Variants in OTOA observed in about 807,000 individuals in gnomAD.
OTOA encodes otoancorin.
OTOA carries 70 observed loss-of-function variants against 110.8 expected under a neutral mutation model. The observed-to-expected ratio is 0.63, with a 90% CI of 0.52 to 0.77. OTOA has a LOEUF of 0.77. Ranked by LOEUF, OTOA falls within the 30% of genes least tolerant of loss-of-function variation. OTOA has a pLI of 0.00. For synonymous variants in OTOA, 373 were observed against 431.5 expected (o/e 0.86, Z 1.68); for missense variants, 917 against 1,075.8 (o/e 0.85, Z 2.06).
At position 21,705,290 on chromosome 16, in the gene OTOA, A is replaced by G. The variant is rs750124840; in HGVS notation, c.1102A>G (p.Lys368Glu). The G allele has an allele frequency of 1.2e-6, 2 of 1,613,740 alleles. No homozygotes were observed. Among genetic ancestry groups the G allele is most frequent in the South Asian group, 1.1e-5 (1 of 91,058 alleles). Residue 368 changes from lysine to glutamate, a missense_variant and splice_region_variant, in exon 12 of 29, where the codon AAG becomes GAG. Transcript: ENST00000646100. Reference protein sequence around the residue: ...HLRGFQAGVQKLKAELLDIAM... With the variant: ...HLRGFQAGVQELKAELLDIAM... ...GAGGGGCTTCCAGGCTGGCGTCCAG[A>G]AGGTACAGCTGGGGTGCAAGGCCCT...
chr16:21,708,071 G>A (rs770099740), intron 12 of OTOA, among the ~76,000 whole-genome samples: 9 of 152,018 alleles, frequency 5.9e-5, no homozygotes, highest in East Asian at 1.9e-4. Flanking sequence ...GACTACAGGC[G>A]TGAGCCACCA....
chr16:21,720,364 C>G (rs1898692579), intron 17 of OTOA, among the ~76,000 whole-genome samples: 1 of 152,154 alleles, frequency 6.6e-6, no homozygotes, highest in Admixed American at 6.5e-5. Context: ...TTAAAAAGCA[C>G]CTTCTCAACT....
chr16:21,695,886 TATA>T (rs1216998777), intron 9 of OTOA, among the ~76,000 whole-genome samples: 17 of 60,830 alleles, frequency 2.8e-4, no homozygotes, highest in African/African-American at 1.2e-3. Context: ...TATATATATA[TATA>T]TATTTTTTTT....
chr16:21,685,162 G>A (rs1207762254), intron 6 of OTOA, 68 bp from the exon 7 acceptor site: 2 of 1,591,282 alleles, frequency 1.3e-6, no homozygotes, highest in Non-Finnish European at 1.7e-6. Context: ...TGGGCCGCTG[G>A]CCATGGTGCT....
rs1212162428 is a variant in OTOA at position 21,736,173 on chromosome 16, A to T, written c.2302-88A>T. On this transcript the variant is annotated intron_variant, in intron 21 of 28. Coordinates refer to ENST00000646100, the MANE Select transcript of OTOA (RefSeq NM_144672.4). ...TGCTATAACAAAGAATGAAGGCAGT[A>T]AGTAGTGTGACAGTTTCAACTCTAA... 3 of 1,214,744 alleles carry T rather than the reference A, an allele frequency of 2.5e-6. No homozygotes were observed. The African/African-American group carries it at 4.5e-5, about 18-fold the overall frequency. 75.2% of individuals were successfully genotyped at this position (1,214,744 alleles called of 1,614,324 possible).
chr16:21,704,702 G>A (rs1898119744), intron 11 of OTOA, among the ~76,000 whole-genome samples: 1 of 152,168 alleles, frequency 6.6e-6, no homozygotes, highest in Admixed American at 6.5e-5. Context: ...AAACACTGAA[G>A]CACTAGGTTT....
chr16:21,684,719 CCTTATTATT>C (rs763430168), intron 6 of OTOA, among the ~76,000 whole-genome samples: 1 of 130,438 alleles, frequency 7.7e-6, no homozygotes, highest in Admixed American at 8.2e-5. Flanking sequence ...TGAGGAATCC[CCTTATTATT>C]ATTATTATTA....
chr16:21,692,329 A>C (rs1037167076), intron 9 of OTOA, among the ~76,000 whole-genome samples: 1 of 149,690 alleles, frequency 6.7e-6, no homozygotes, highest in African/African-American at 2.4e-5. Flanking sequence ...TCCGTCTCGA[A>C]AAAAAAAAAA....
chr16:21,698,491 A>G (rs537606498), intron 10 of OTOA, among the ~76,000 whole-genome samples: 11 of 152,278 alleles, frequency 7.2e-5, no homozygotes, highest in Admixed American at 3.9e-4. Flanking sequence ...AATGCTGCCA[A>G]CACAAAGGGA....
chr16:21,703,107 C>CT (rs1327402820), intron 11 of OTOA, among the ~76,000 whole-genome samples: 2 of 152,050 alleles, frequency 1.3e-5, no homozygotes, highest in African/African-American at 2.4e-5. Context: ...ACCTCACATA[C>CT]TTTTTTTGCG....
chr16:21,729,918 C>T (rs1306674090), intron 20 of OTOA: 1 of 152,216 alleles, frequency 6.6e-6, no homozygotes, highest in Non-Finnish European at 1.5e-5. Context: ...CATTTGGTTG[C>T]TTCCAAGTTT....
At chr16:21,667,922 C>A (rs1298442998) in intron 1 of OTOA, among the ~76,000 whole-genome samples, 1 of 152,050 alleles carries the variant, frequency 6.6e-6, no homozygotes, top group Non-Finnish European at 1.5e-5. Context: ...GCTCATGAGC[C>A]ACGCAAAATC....
intron 12 of OTOA, among the ~76,000 whole-genome samples, chr16:21,708,289 C>T (rs567942045): frequency 6.6e-6 from 1 of 152,264 alleles, no homozygotes; most frequent in East Asian, 1.9e-4. Flanking sequence ...CTTGCATGCA[C>T]AGTGCACAAT....
chr16:21,695,366 AC>A (rs1352299968), intron 9 of OTOA, among the ~76,000 whole-genome samples: 2 of 151,680 alleles, frequency 1.3e-5, no homozygotes, highest in African/African-American at 2.4e-5. Flanking sequence ...AGCCTGGACA[AC>A]AGAGGAAGAA....
chr16:21,697,726 G>A (rs760351723), intron 9 of OTOA, 49 bp from the exon 10 acceptor site: 2 of 1,518,912 alleles, frequency 1.3e-6, no homozygotes, highest in African/African-American at 2.7e-5. Flanking sequence ...CAGTGTAAAG[G>A]CTTTTATTTA....
intron 1 of OTOA, among the ~76,000 whole-genome samples, chr16:21,666,505 T>A (rs1219677563): frequency 6.6e-6 from 1 of 152,178 alleles, no homozygotes; most frequent in East Asian, 1.9e-4. Context: ...ACTTTCTGGT[T>A]TCAAAATGGA....
Position 21,666,548 on chromosome 16 carries a change from G to A in OTOA, c.-5+2316G>A, listed in dbSNP as rs184935151. Among the ~76,000 whole-genome samples the A allele has an allele frequency of 7.9e-5, 12 of 152,190 alleles. 1 individual carries two copies. Among genetic ancestry groups the A allele is most frequent in the Non-Finnish European group, 5.9e-5 (4 of 68,024 alleles). Reference sequence around the variant, plus strand: ...GAGTCCTGGGAAACCTTTTGGTCCCGGGCAACTGGGAAAGTTGATCACCTT... The same window carrying A: ...GAGTCCTGGGAAACCTTTTGGTCCCAGGCAACTGGGAAAGTTGATCACCTT... On this transcript the variant is annotated intron_variant, in intron 1 of 28. Transcript: ENST00000646100.
chr16:21,668,459 CTT>C (rs374673931), intron 1 of OTOA, among the ~76,000 whole-genome samples: 18 of 122,026 alleles, frequency 1.5e-4, no homozygotes, highest in Non-Finnish European at 1.7e-4. Context: ...TTGTTTCTTT[CTT>C]TTTTTTTTTT....
chr16:21,669,384 A>T (rs1387706829), intron 1 of OTOA, among the ~76,000 whole-genome samples: 4 of 151,914 alleles, frequency 2.6e-5, no homozygotes, highest in Non-Finnish European at 5.9e-5. Flanking sequence ...CAAACAAAAA[A>T]GCAAACACAA....
Sources: gnomAD v4.1 joint callset for allele counts (sites outside exome capture counted in the v4.1 genomes callset) on GRCh38, gnomAD v4.1.1 for gene constraint, MANE v1.5 for transcripts, NCBI Gene and HGNC (gene_info 2026-07-23, HGNC 2026-07-21) for gene names.